POC1A: variants seen among roughly 807,000 people sequenced by gnomAD.
POC1A encodes the protein POC1 centriolar protein A.
In POC1A, 34 loss-of-function variants were observed where a neutral mutation model predicts 47.8. That is an observed-to-expected ratio of 0.71 (90% CI 0.54 to 0.95). The LOEUF is 0.95. Ranked by LOEUF, POC1A falls within the 40% of genes least tolerant of loss-of-function variation. The pLI is 0.00. For missense variants in POC1A, 466 were observed against 528.3 expected (o/e 0.88, Z 1.16); for synonymous variants, 177 against 207.6 (o/e 0.85, Z 1.27).
At chr3:52,077,626 C>T (rs931010556) in intron 10 of POC1A, among the ~76,000 whole-genome samples, 10 of 152,336 alleles carry the variant, frequency 6.6e-5, no homozygotes, top group East Asian at 3.9e-4. Context: ...GTCTGCAGCT[C>T]GTAAAAGTGG....
chr3:52,097,429 C>G (rs1183461560), intron 9 of POC1A, among the ~76,000 whole-genome samples: 2 of 152,334 alleles, frequency 1.3e-5, no homozygotes, highest in East Asian at 3.9e-4. Flanking sequence ...GCGTAAGGCC[C>G]TTCAGCCCCT....
At chr3:52,150,043 C>A in intron 2 of POC1A, 56 bp from the exon 3 acceptor site, 2 of 1,496,626 alleles carry the variant, frequency 1.3e-6, no homozygotes, top group Non-Finnish European at 1.8e-6. Context: ...CAAGCCTCCA[C>A]CAAGACATTG....
At chr3:52,129,928 A>AT (rs977724244) in intron 7 of POC1A, among the ~76,000 whole-genome samples, 10 of 151,770 alleles carry the variant, frequency 6.6e-5, no homozygotes, top group African/African-American at 1.2e-4. Context: ...ACAGAGAAAG[A>AT]TTTTTTTTTA....
chr3:52,126,767 C>T (rs377676340), intron 7 of POC1A, among the ~76,000 whole-genome samples: 4 of 152,176 alleles, frequency 2.6e-5, no homozygotes, highest in Middle Eastern at 3.2e-3. Flanking sequence ...CAAAGAAAAG[C>T]GGGCCAAAGT....
At chr3:52,116,680 C>T (rs1202345463) in intron 9 of POC1A, among the ~76,000 whole-genome samples, 1 of 152,146 alleles carries the variant, frequency 6.6e-6, no homozygotes, top group Admixed American at 6.5e-5. Flanking sequence ...TGTCCCTCAC[C>T]CCAGCAAGTT....
intron 7 of POC1A, 117 bp downstream of exon 7, chr3:52,138,052 C>T: frequency 9.1e-7 from 1 of 1,095,546 alleles, no homozygotes; most frequent in Non-Finnish European, 1.4e-6. Context: ...GAAATGCCTC[C>T]ATCCATCTCC....
chr3:52,144,223 A>G (rs1698292976), intron 6 of POC1A, among the ~76,000 whole-genome samples: 1 of 152,000 alleles, frequency 6.6e-6, no homozygotes, highest in South Asian at 2.1e-4. Flanking sequence ...GCACCTGCCC[A>G]CGTTCCCCAG....
rs572824237 is a variant in POC1A, at chr3:52,153,914, C to T, written c.18+441G>A. Among the ~76,000 whole-genome samples the T allele has an allele frequency of 1.1e-4, 17 of 152,360 alleles. No individual in the cohort carries two copies. In the South Asian group the frequency reaches 2.9e-3, roughly 26 times the overall value. ...TGGAGGAATGTGAACTCAGAGAGGG[C>T]GGCTCCGCCCCGCTCACACTGCAGG... On this transcript the variant is annotated intron_variant, in intron 1 of 10. Coordinates refer to ENST00000296484, the MANE Select transcript of POC1A (RefSeq NM_015426.5).
chr3:52,126,752 G>A (rs1374808150), intron 7 of POC1A, among the ~76,000 whole-genome samples: 1 of 152,170 alleles, frequency 6.6e-6, no homozygotes, highest in African/African-American at 2.4e-5. Flanking sequence ...GCAAAGAGAG[G>A]GTGACAAAGA....
At chr3:52,103,590 G>A (rs1166791974) in intron 9 of POC1A, among the ~76,000 whole-genome samples, 1 of 152,076 alleles carries the variant, frequency 6.6e-6, no homozygotes, top group Non-Finnish European at 1.5e-5. Context: ...CATTTTTCCT[G>A]TAAAACATAG....
At chr3:52,088,363 C>T (rs1267716687) in intron 10 of POC1A, among the ~76,000 whole-genome samples, 1 of 152,224 alleles carries the variant, frequency 6.6e-6, no homozygotes, top group East Asian at 1.9e-4. Flanking sequence ...GCAAGGGGCA[C>T]ATAATTGCTT....
chr3:52,078,528 T>A (rs1237871146), intron 10 of POC1A, among the ~76,000 whole-genome samples: 3 of 139,048 alleles, frequency 2.2e-5, no homozygotes, highest in Non-Finnish European at 4.7e-5. Flanking sequence ...TTTTTTTTTT[T>A]AAGACTGAGT....
At chr3:52,114,066 G>A (rs1332711825) in intron 9 of POC1A, among the ~76,000 whole-genome samples, 6 of 152,200 alleles carry the variant, frequency 3.9e-5, no homozygotes, top group Non-Finnish European at 5.9e-5. Context: ...CAGGAGACAC[G>A]CCACCTCAGG....
Position 52,149,443 on chromosome 3 carries a change from C to T in POC1A, c.276-54G>A, listed in dbSNP as rs1454193937. On this transcript the variant is annotated intron_variant, in intron 3 of 10. Transcript: ENST00000296484. ...AAACCCATAACAGTGACATGAGAGC[C>T]CACAAGCACATCAAAGCTCTCCTAC... 49 of 1,538,792 alleles carry T rather than the reference C, an allele frequency of 3.2e-5. 1 individual carries two copies. In the South Asian group the frequency reaches 5.2e-4, roughly 16 times the overall value.
chr3:52,128,070 A>G (rs768167364), intron 7 of POC1A, among the ~76,000 whole-genome samples: 3 of 152,216 alleles, frequency 2.0e-5, no homozygotes, highest in Non-Finnish European at 2.9e-5. Flanking sequence ...AACTACTTTC[A>G]TTGTGAGGAA....
At chr3:52,104,625 A>C (rs1040501117) in intron 9 of POC1A, among the ~76,000 whole-genome samples, 8 of 152,212 alleles carry the variant, frequency 5.3e-5, no homozygotes, top group African/African-American at 1.9e-4. Flanking sequence ...ACTGGGCATT[A>C]CCAATGGGCC....
intron 9 of POC1A, among the ~76,000 whole-genome samples, chr3:52,100,107 T>A (rs1051462998): frequency 4.6e-5 from 7 of 152,184 alleles, no homozygotes; most frequent in African/African-American, 1.7e-4. Flanking sequence ...CCCACCTCAG[T>A]TCCTGTTTCC....
Position 52,075,848 on chromosome 3 carries a change from C to T in POC1A, c.*39G>A, listed in dbSNP as rs914987357. On this transcript the variant is annotated 3_prime_UTR_variant, in exon 11 of 11. Transcript: ENST00000296484. Reference sequence around the variant, plus strand: ...CATGGTACAAATCCCTGGCCTGCCACCTGCAAATCCACCGAGCTCCTGATT... The same window carrying T: ...CATGGTACAAATCCCTGGCCTGCCATCTGCAAATCCACCGAGCTCCTGATT... The T allele has an allele frequency of 1.4e-6, 2 of 1,466,824 alleles. No individual in the cohort carries two copies. Among genetic ancestry groups the T allele is most frequent in the Admixed American group, 1.7e-5 (1 of 59,764 alleles). The allele number at this position is 1,466,824 out of a possible 1,614,324, so 90.9% of individuals were successfully genotyped here. A position where few individuals can be genotyped will look rare whatever the true frequency, so the allele number is the denominator to read the frequency against.
At chr3:52,077,295 T>C (rs1242930191) in intron 10 of POC1A, among the ~76,000 whole-genome samples, 4 of 152,252 alleles carry the variant, frequency 2.6e-5, no homozygotes, top group African/African-American at 9.6e-5. Flanking sequence ...GTCCTGGGCC[T>C]TGGTCCAGTG....
Sources: allele counts gnomAD v4.1 joint callset (sites outside exome capture counted in the v4.1 genomes callset), GRCh38; gene constraint gnomAD v4.1.1; transcripts MANE v1.5; gene names NCBI Gene and HGNC (gene_info 2026-07-23, HGNC 2026-07-21).